Variants in GRM4 observed in about 807,000 individuals in gnomAD.
GRM4 encodes metabotropic glutamate receptor 4.
A neutral mutation model predicts 81.7 loss-of-function variants in GRM4; 28 were observed. The ratio of observed to expected loss-of-function variants is 0.34; its 90% CI spans 0.25 to 0.47. The LOEUF (loss-of-function observed/expected upper bound fraction) is 0.47. Among genes scored for constraint, GRM4 ranks in the 20% least tolerant of loss-of-function variants. GRM4 has a pLI of 1.00. For missense variants in GRM4, 948 were observed against 1,290.0 expected, an observed-to-expected ratio of 0.73 and a Z score of 4.06; for synonymous variants, 488 against 528.8, an observed-to-expected ratio of 0.92 and a Z score of 1.06.
At chr6:34,028,094 A>G (rs7745888) in intron 10 of GRM4, 26 bp downstream of exon 10, 100,304 of 1,593,946 alleles carry the variant, frequency 0.063, 6,984 homozygotes, top group African/African-American at 0.36. Flanking sequence ...GGGGCCCGAG[A>G]GGGCAGAACG....
intron 2 of GRM4, chr6:34,103,904 G>A: frequency 7.4e-7 from 1 of 1,354,870 alleles, no homozygotes; most frequent in South Asian, 1.7e-5. Context: ...GAGAGGGGAG[G>A]AATTGGCCCA....
chr6:34,153,925 CAA>C (rs3041982), intron 1 of GRM4, among the ~76,000 whole-genome samples: 4,060 of 129,388 alleles, frequency 0.031, 147 homozygotes, highest in African/African-American at 0.089. Context: ...GACTCTGTCT[CAA>C]AAAAAAAAAA....
chr6:34,097,521 C>T (rs1028190281), intron 2 of GRM4, among the ~76,000 whole-genome samples: 2 of 152,200 alleles, frequency 1.3e-5, no homozygotes, highest in South Asian at 2.1e-4. Context: ...CTGCCCCAGG[C>T]CCAGCCAGCA....
chr6:34,103,773 C>T (rs1561815080), intron 2 of GRM4: 1 of 1,455,188 alleles, frequency 6.9e-7, no homozygotes, highest in Non-Finnish European at 9.0e-7. Context: ...TGACCTTGGG[C>T]AAGTCACCTC....
chr6:34,028,023 G>A, intron 10 of GRM4, 97 bp downstream of exon 10: 1 of 1,348,104 alleles, frequency 7.4e-7, no homozygotes, highest in Non-Finnish European at 1.0e-6. Context: ...GGGGCATCGG[G>A]GCAGGGCGGG....
At chr6:34,044,211 TACATACAC>T (rs1327912058) in intron 6 of GRM4, among the ~76,000 whole-genome samples, 1 of 125,252 alleles carries the variant, frequency 8.0e-6, no homozygotes, top group Non-Finnish European at 1.6e-5. Context: ...TATATATACA[TACATACAC>T]ATATATACAG....
intron 2 of GRM4, among the ~76,000 whole-genome samples, chr6:34,104,527 A>C (rs1353663226): frequency 6.6e-6 from 1 of 152,202 alleles, no homozygotes; most frequent in African/African-American, 2.4e-5. Context: ...GAATACATGG[A>C]AACAGGATGA....
Position 34,059,377 on chromosome 6 carries a change from C to G in GRM4, c.873-249G>C, listed in dbSNP as rs188665147. ...GGGCCCACGCCTGCTGCAGGCCCAG[C>G]GTGATTCTCCAGGCCTACATCTGTC... On this transcript the variant is annotated intron_variant, in intron 4 of 10. Coordinates refer to ENST00000538487, the MANE Select transcript of GRM4 (RefSeq NM_000841.4). This position sits in a 1 kb window ranked among gnomAD's most constrained non-coding sequence, Gnocchi z 5.7. 3.7e-6 allele frequency: 2 copies of G among 543,252 alleles called. No homozygotes were observed. The allele number at this position is 543,252 out of a possible 1,614,324, so 33.7% of individuals were successfully genotyped here.
intron 10 of GRM4, among the ~76,000 whole-genome samples, chr6:34,026,272 G>A (rs1764129471): frequency 6.6e-6 from 1 of 152,202 alleles, no homozygotes; most frequent in Non-Finnish European, 1.5e-5. Context: ...CCATCCGGCT[G>A]TCCCCAGAAT....
In GRM4 at chr6:34,059,569, C is replaced by T. The variant is rs965041963; in HGVS notation, c.873-441G>A. The T allele has an allele frequency of 1.5e-5, 3 of 200,104 alleles. No homozygotes were observed. Among genetic ancestry groups the T allele is most frequent in the African/African-American group, 2.3e-5 (1 of 43,122 alleles). 12.4% of individuals were successfully genotyped at this position (200,104 alleles called of 1,614,324 possible). A position where few individuals can be genotyped will look rare whatever the true frequency, so the allele number is the denominator to read the frequency against. On this transcript the variant is annotated intron_variant, in intron 4 of 10. Transcript: ENST00000538487. This position sits in a 1 kb window ranked among gnomAD's most constrained non-coding sequence, Gnocchi z 5.7. ...TCACACGCATCCACCATCACACAACCGCCGCCCTCACCCCTCTGCACATGC... is the reference window on the plus strand; with the variant it reads ...TCACACGCATCCACCATCACACAACTGCCGCCCTCACCCCTCTGCACATGC...
intron 10 of GRM4, chr6:34,024,707 G>A (rs1273565218): frequency 8.8e-6 from 4 of 455,774 alleles, no homozygotes; most frequent in African/African-American, 2.0e-5. Context: ...AGTGGCCTAT[G>A]AGCTCCCTGT....
At chr6:34,029,254 T>C (rs1003222007) in intron 9 of GRM4, among the ~76,000 whole-genome samples, 1 of 152,164 alleles carries the variant, frequency 6.6e-6, no homozygotes, top group African/African-American at 2.4e-5. Context: ...CTTTCCCAAA[T>C]CTGCTCTTTC....
At chr6:34,030,089 G>A (rs147483320) in intron 9 of GRM4, among the ~76,000 whole-genome samples, 8 of 152,356 alleles carry the variant, frequency 5.3e-5, no homozygotes, top group South Asian at 2.1e-4. Context: ...CGTGCTGGCC[G>A]TCTCTCCTGC....
chr6:34,140,130 G>A (rs1446656776), intron 1 of GRM4, among the ~76,000 whole-genome samples: 1 of 152,220 alleles, frequency 6.6e-6, no homozygotes, highest in African/African-American at 2.4e-5. Flanking sequence ...AATAATCAGG[G>A]AAGGCTTCTC....
Position 34,110,768 on chromosome 6 carries a change from A to G in GRM4, c.520-18669T>C, listed in dbSNP as rs1041256850. 2.5e-5 allele frequency: 37 copies of G among 1,455,348 alleles called. No homozygotes were observed. The African/African-American group carries it at 5.1e-4, about 20-fold the overall frequency. 90.2% of individuals were successfully genotyped at this position (1,455,348 alleles called of 1,614,324 possible). A position where few individuals can be genotyped will look rare whatever the true frequency, so the allele number is the denominator to read the frequency against. On this transcript the variant is annotated intron_variant, in intron 2 of 10. Transcript: ENST00000538487. ...CCCGTGAGTCCCCAGGGCATCAGAG[A>G]TCAAAGTGGTGCCCCTCCCTGGCCC...
chr6:34,061,719 T>C (rs1190675893), intron 4 of GRM4, 174 bp downstream of exon 4: 3 of 620,142 alleles, frequency 4.8e-6, no homozygotes, highest in Non-Finnish European at 5.7e-6. Context: ...TAGCAGTAGC[T>C]TGTGCTCTAG....
Position 34,047,589 on chromosome 6 carries a change from G to A in GRM4, c.1169-6841C>T, listed in dbSNP as rs889366673. 2.0e-5 allele frequency among the ~76,000 whole-genome samples: 3 copies of A among 152,040 alleles called. No individual in the cohort carries two copies. Among genetic ancestry groups the A allele is most frequent in the East Asian group, 1.9e-4 (1 of 5,180 alleles). On this transcript the variant is annotated intron_variant, in intron 6 of 10. Coordinates refer to ENST00000538487, the MANE Select transcript of GRM4 (RefSeq NM_000841.4). This position sits in a 1 kb window ranked among gnomAD's most constrained non-coding sequence, Gnocchi z 4.5. ...CTCGAATTTTCATCCTCATCAAGTC[G>A]CCTGCCTTCCAGTCTGGGAATTTCT...
intron 2 of GRM4, among the ~76,000 whole-genome samples, chr6:34,122,162 C>T (rs1769836604): frequency 6.6e-6 from 1 of 152,082 alleles, no homozygotes; most frequent in South Asian, 2.1e-4. Flanking sequence ...AAGGCTGAGG[C>T]TGTCCCACAC....
At chr6:34,154,705 G>T (rs999895623) in intron 1 of GRM4, among the ~76,000 whole-genome samples, 1 of 152,218 alleles carries the variant, frequency 6.6e-6, no homozygotes, top group Non-Finnish European at 1.5e-5. Flanking sequence ...GACACGTGGG[G>T]GGGAGTCGGC....
Sources: gnomAD v4.1 joint callset for allele counts (sites outside exome capture counted in the v4.1 genomes callset) on GRCh38, gnomAD v4.1.1 for gene constraint, Gnocchi (gnomAD v3.1) non-coding constraint, MANE v1.5 for transcripts, NCBI Gene and HGNC (gene_info 2026-07-23, HGNC 2026-07-21) for gene names.